The following ADAM17 variants were observed in gnomAD, a reference collection of about 807,000 sequenced individuals.
ADAM17 encodes ADAM metallopeptidase domain 17.
Under a neutral mutation model 96.7 loss-of-function variants are expected in ADAM17, and 39 were observed. The observed-to-expected ratio is 0.40, with a 90% CI of 0.31 to 0.53. ADAM17 has a LOEUF of 0.53. Ranked by LOEUF, ADAM17 falls within the 20% of genes least tolerant of loss-of-function variation. The pLI is 0.44. For missense variants in ADAM17, 777 were observed against 1,013.2 expected (o/e 0.77, Z 3.17); for synonymous variants, 344 against 359.2 (o/e 0.96, Z 0.48).
At chr2:9,503,420 CATG>C (rs1449189295) in intron 12 of ADAM17, among the ~76,000 whole-genome samples, 1 of 152,226 alleles carries the variant, frequency 6.6e-6, no homozygotes, top group Non-Finnish European at 1.5e-5. Flanking sequence ...TATATAGAAT[CATG>C]ATAACATTCA....
intron 18 of ADAM17, 41 bp from the exon 19 acceptor site, chr2:9,490,559 A>G (rs1473868901): frequency 2.6e-6 from 4 of 1,556,476 alleles, no homozygotes; most frequent in Non-Finnish European, 3.5e-6. Context: ...GGAATAAAAG[A>G]TGAATCGGAG....
At chr2:9,510,233 TCAA>T in intron 10 of ADAM17, 102 bp from the exon 11 acceptor site, 1 of 1,257,234 alleles carries the variant, frequency 8.0e-7, no homozygotes, top group African/African-American at 1.5e-5. Flanking sequence ...TATAATCAGA[TCAA>T]CAAGAGAATA....
At chr2:9,522,589 C>T (rs1308303278) in intron 7 of ADAM17, among the ~76,000 whole-genome samples, 2 of 151,972 alleles carry the variant, frequency 1.3e-5, no homozygotes, top group Non-Finnish European at 2.9e-5. Flanking sequence ...TACTATATAA[C>T]TTATAAAAAT....
chr2:9,540,223 C>T (rs1355588624), intron 2 of ADAM17, among the ~76,000 whole-genome samples: 2 of 152,182 alleles, frequency 1.3e-5, no homozygotes, highest in Non-Finnish European at 2.9e-5. Flanking sequence ...ACTCTTCCTT[C>T]GCTCCTACTT....
chr2:9,492,632 A>G (rs1351043870), intron 17 of ADAM17, among the ~76,000 whole-genome samples: 2 of 152,254 alleles, frequency 1.3e-5, no homozygotes, highest in African/African-American at 4.8e-5. Flanking sequence ...AAATCCAGTT[A>G]AACAGTCTCC....
At chr2:9,495,564 A>T (rs907896192) in intron 14 of ADAM17, among the ~76,000 whole-genome samples, 1 of 152,094 alleles carries the variant, frequency 6.6e-6, no homozygotes, top group East Asian at 1.9e-4. Context: ...AATAAAAAAA[A>T]TTAGCCAGAT....
intron 10 of ADAM17, among the ~76,000 whole-genome samples, chr2:9,514,612 G>A (rs1663960638): frequency 7.0e-6 from 1 of 143,050 alleles, no homozygotes; most frequent in South Asian, 2.2e-4. Context: ...GGTGGCTCAC[G>A]CCTGTAATTC....
chr2:9,500,131 A>C (rs1354797052), intron 13 of ADAM17, among the ~76,000 whole-genome samples: 1 of 152,250 alleles, frequency 6.6e-6, no homozygotes, highest in Admixed American at 6.5e-5. Context: ...ATAGCAAAAA[A>C]GTGGAAGCAA....
chr2:9,542,130 C>T (rs540559040), intron 2 of ADAM17, among the ~76,000 whole-genome samples: 12 of 152,280 alleles, frequency 7.9e-5, no homozygotes, highest in Middle Eastern at 3.4e-3. Context: ...AAAAAGAGGC[C>T]TGCAATTATT....
At chr2:9,514,479 G>A (rs1361948468) in intron 10 of ADAM17, among the ~76,000 whole-genome samples, 9 of 135,932 alleles carry the variant, frequency 6.6e-5, no homozygotes, top group Admixed American at 5.7e-4. Flanking sequence ...AAACCTGCAC[G>A]TTGTGCACAT....
At chr2:9,544,202 T>C (rs189397693) in intron 1 of ADAM17, among the ~76,000 whole-genome samples, 3 of 152,222 alleles carry the variant, frequency 2.0e-5, no homozygotes, top group Non-Finnish European at 4.4e-5. Flanking sequence ...AATATGGAAA[T>C]CTGACAATCT....
intron 8 of ADAM17, among the ~76,000 whole-genome samples, chr2:9,518,537 C>A (rs904451960): frequency 6.6e-6 from 1 of 152,186 alleles, no homozygotes; most frequent in African/African-American, 2.4e-5. Context: ...CCTCCGAGGG[C>A]TGTTCTGAAG....
At chr2:9,519,271 A>C (rs998578958) in intron 8 of ADAM17, among the ~76,000 whole-genome samples, 1 of 152,172 alleles carries the variant, frequency 6.6e-6, no homozygotes, top group East Asian at 1.9e-4. Context: ...GTGTGGTTAC[A>C]TGGGGATTCT....
intron 2 of ADAM17, among the ~76,000 whole-genome samples, chr2:9,542,698 TTTTA>T (rs1319961112): frequency 3.9e-5 from 6 of 152,152 alleles, no homozygotes; most frequent in African/African-American, 9.7e-5. Flanking sequence ...ACTTTATTTA[TTTTA>T]TTTATTTATT....
intron 7 of ADAM17, chr2:9,522,275 T>G: frequency 2.3e-6 from 1 of 436,074 alleles, no homozygotes; most frequent in East Asian, 3.2e-5. Flanking sequence ...AATACAGACA[T>G]ATACATACAC....
rs60916584 is a variant in ADAM17 at position 9,520,943 on chromosome 2, A to G, written c.957+260T>C. Among the ~76,000 whole-genome samples the G allele has an allele frequency of 0.52, 62,171 of 119,400 alleles. 18,004 individuals are homozygous for G. Among genetic ancestry groups the G allele is most frequent in the Middle Eastern group, 0.73 (174 of 238 alleles). 78.3% of individuals were successfully genotyped at this position (119,400 alleles called of 152,430 possible). ...CACGCCATTGCCCTCCAGCCAGGGCAACAAGAGTGAAACTCTGTCTCAAAA... is the reference window on the plus strand; with the variant it reads ...CACGCCATTGCCCTCCAGCCAGGGCGACAAGAGTGAAACTCTGTCTCAAAA... On this transcript the variant is annotated intron_variant, in intron 8 of 18. Coordinates refer to ENST00000310823, the MANE Select transcript of ADAM17 (RefSeq NM_003183.6).
intron 7 of ADAM17, among the ~76,000 whole-genome samples, chr2:9,522,689 CTT>C (rs944201216): frequency 2.6e-5 from 4 of 152,060 alleles, no homozygotes; most frequent in African/African-American, 9.7e-5. Flanking sequence ...AAGCAATACC[CTT>C]TGTCAGAAGC....
intron 4 of ADAM17, among the ~76,000 whole-genome samples, chr2:9,531,187 G>T (rs1387586765): frequency 6.6e-6 from 1 of 151,908 alleles, no homozygotes; most frequent in East Asian, 2.0e-4. Context: ...CGAACTCCTG[G>T]CCTGAAGTGA....
In ADAM17 at chr2:9,490,282, C is replaced by T. The variant is rs1662014625; in HGVS notation, c.2370G>A (p.Lys790=). The T allele has an allele frequency of 1.2e-6, 2 of 1,614,154 alleles. No homozygotes were observed. Among genetic ancestry groups the T allele is most frequent in the Non-Finnish European group, 1.7e-6 (2 of 1,180,028 alleles). Residue 790 remains lysine (K), a synonymous_variant, in exon 19 of 19, where the codon AAG becomes AAA. Transcript: ENST00000310823. ...DPFPNSSTAA[K]SFEDLTDHPV... ...GATGGTCCGTGAGATCCTCAAATGA[C>T]TTGGCAGCTGTGCTGCTATTTGGGA...
Sources: allele counts gnomAD v4.1 joint callset (sites outside exome capture counted in the v4.1 genomes callset), GRCh38; gene constraint gnomAD v4.1.1; transcripts MANE v1.5; gene names NCBI Gene and HGNC (gene_info 2026-07-23, HGNC 2026-07-21).